The following SEC24A variants were observed in gnomAD, a reference collection of about 807,000 sequenced individuals.
The protein encoded by SEC24A is protein transport protein Sec24A.
A neutral mutation model predicts 129.4 loss-of-function variants in SEC24A; 93 were observed. That is an observed-to-expected ratio of 0.72 (90% CI 0.61 to 0.85). The LOEUF (loss-of-function observed/expected upper bound fraction) is 0.85. SEC24A is among the 40% of genes least tolerant of loss of function. The pLI, the probability that SEC24A is intolerant of heterozygous loss-of-function variation, is 0.00. For missense variants in SEC24A, 1,264 were observed against 1,307.4 expected (o/e 0.97, Z 0.51); for synonymous variants, 460 against 467.3 (o/e 0.98, Z 0.20).
At position 134,721,078 on chromosome 5, in the gene SEC24A, T is replaced by A. The variant is rs571521973; in HGVS notation, c.3051T>A (p.Ile1017=). The A allele has an allele frequency of 1.2e-6, 2 of 1,603,130 alleles. No individual in the cohort carries two copies. The highest frequency in any genetic ancestry group is 3.3e-5 in the Admixed American group (2 of 59,926). Residue 1017 remains isoleucine (I), a synonymous_variant, in exon 21 of 23, where the codon ATT becomes ATA. Transcript: ENST00000398844. The part of the protein sequence containing the change: ...QVLGVQNYAS[I]PQPMTDLPEL... ...TAGGAGTTCAAAACTATGCATCAATTCCACAGCCTATGGTAAGACTCTTTT... is the reference window on the plus strand; with the variant it reads ...TAGGAGTTCAAAACTATGCATCAATACCACAGCCTATGGTAAGACTCTTTT...
At position 134,675,203 on chromosome 5, in the gene SEC24A, C is replaced by G; in HGVS notation, c.1137C>G (p.Leu379=). The G allele has an allele frequency of 6.2e-7, 1 of 1,611,270 alleles. No individual in the cohort carries two copies. The highest frequency in any genetic ancestry group is 1.3e-5 in the African/African-American group (1 of 75,010). The part of the protein sequence containing the change: ...VPNLHEDIQK[L]NCNPELFRCT... ...ATTTGCATGAAGACATCCAGAAACT[C>G]AACTGTAACCCAGAGTAAGGCTTCA... Residue 379 remains leucine (L), a synonymous_variant, in exon 6 of 23, where the codon CTC becomes CTG. Transcript: ENST00000398844.
intron 4 of SEC24A, among the ~76,000 whole-genome samples, 167 bp downstream of exon 4, chr5:134,672,053 T>C (rs116460191): frequency 0.022 from 3,412 of 152,332 alleles, 67 homozygotes; most frequent in Non-Finnish European, 0.035. Context: ...GGTCTCACTC[T>C]GTCGCTCAGG....
At chr5:134,653,586 C>G (rs966163569) in intron 1 of SEC24A, among the ~76,000 whole-genome samples, 1 of 152,098 alleles carries the variant, frequency 6.6e-6, no homozygotes, top group African/African-American at 2.4e-5. Flanking sequence ...AAGACCTCAC[C>G]AGGTGTGGTG....
chr5:134,651,892 T>C (rs937108380), intron 1 of SEC24A, among the ~76,000 whole-genome samples: 7 of 152,048 alleles, frequency 4.6e-5, no homozygotes, highest in Non-Finnish European at 1.0e-4. Context: ...TGCTTAACTA[T>C]TCCAAAGCAG....
intron 3 of SEC24A, among the ~76,000 whole-genome samples, chr5:134,667,834 A>G (rs1460309781): frequency 6.6e-6 from 1 of 152,174 alleles, no homozygotes; most frequent in Non-Finnish European, 1.5e-5. Flanking sequence ...ATGCAATTTT[A>G]TGTAAGTAAA....
chr5:134,709,223 A>T (rs1752252732), intron 18 of SEC24A, among the ~76,000 whole-genome samples: 1 of 150,044 alleles, frequency 6.7e-6, no homozygotes, highest in Admixed American at 6.6e-5. Flanking sequence ...AATAAACAAA[A>T]AGAAAGAAAC....
chr5:134,654,626 C>A (rs1199949156), intron 1 of SEC24A, among the ~76,000 whole-genome samples: 1 of 150,298 alleles, frequency 6.7e-6, no homozygotes, highest in South Asian at 2.1e-4. Flanking sequence ...CATGTATTAA[C>A]GCTAAAGGCA....
chr5:134,722,421 C>T (rs183858927), intron 21 of SEC24A, among the ~76,000 whole-genome samples: 4 of 152,020 alleles, frequency 2.6e-5, no homozygotes, highest in East Asian at 1.9e-4. Context: ...CAAAATTAGC[C>T]GGGTGTGGTG....
chr5:134,721,204 T>G, intron 21 of SEC24A, 114 bp downstream of exon 21: 1 of 634,266 alleles, frequency 1.6e-6, no homozygotes. Flanking sequence ...AAAATTTTTA[T>G]TGATGGGTTT....
chr5:134,704,192 C>T (rs749758237), intron 16 of SEC24A, among the ~76,000 whole-genome samples: 1 of 152,164 alleles, frequency 6.6e-6, no homozygotes, highest in South Asian at 2.1e-4. Context: ...GCCTCAGCCA[C>T]CCGAGTAATT....
At chr5:134,707,847 G>A (rs747742331) in intron 17 of SEC24A, among the ~76,000 whole-genome samples, 2 of 151,930 alleles carry the variant, frequency 1.3e-5, no homozygotes, top group African/African-American at 2.4e-5. Context: ...TTGAAAGAAT[G>A]TTTTTATGCA....
chr5:134,678,497 G>C (rs930802840), intron 7 of SEC24A, among the ~76,000 whole-genome samples: 17 of 150,868 alleles, frequency 1.1e-4, no homozygotes, highest in African/African-American at 3.9e-4. Context: ...CTGTTGCTGT[G>C]TTGCTCAGGT....
chr5:134,674,705 C>T lies in SEC24A; in HGVS notation c.908C>T (p.Thr303Ile). The part of the protein sequence containing the change: ...PSLPPGYQNT[T>I]PPGATGVPPS... ...TTACCACCTGGTTATCAGAACACAACACCACCTGGTGCAACTGGAGTACCA... is the reference window on the plus strand; with the variant it reads ...TTACCACCTGGTTATCAGAACACAATACCACCTGGTGCAACTGGAGTACCA... Residue 303 changes from threonine (T) to isoleucine (I), a missense_variant, in exon 5 of 23, where the codon ACA becomes ATA. Coordinates refer to ENST00000398844, the MANE Select transcript of SEC24A (RefSeq NM_021982.3). 1 of 1,614,020 alleles carries T rather than the reference C, an allele frequency of 6.2e-7. No homozygotes were observed. The highest frequency in any genetic ancestry group is 8.5e-7 in the Non-Finnish European group (1 of 1,179,896).
Position 134,718,116 on chromosome 5 carries a change from T to TC in SEC24A, c.2914dup (p.Gln972ProfsTer57). 6.2e-7 allele frequency: 1 copy of TC among 1,614,128 alleles called. No individual in the cohort carries two copies. Among genetic ancestry groups the TC allele is most frequent in the Non-Finnish European group, 8.5e-7 (1 of 1,180,002 alleles). ...GAACCATACCTCAGCCCCCCATTCTTCAGCTTTCAGTGGAGAAGCTGAGCA... is the reference window on the plus strand; with the variant it reads ...GAACCATACCTCAGCCCCCCATTCTTCCAGCTTTCAGTGGAGAAGCTGAGCA... On this transcript the variant is annotated frameshift_variant, in exon 20 of 23. Transcript: ENST00000398844. LOFTEE classifies it high-confidence loss of function.
rs538533846 is a variant in SEC24A, at chr5:134,727,583, A to G, written c.*2489A>G. On this transcript the variant is annotated 3_prime_UTR_variant, in exon 23 of 23. Transcript: ENST00000398844. ...CATAACAGCTATTATCTAGGGGACC[A>G]CCAAATGTGATTTCAAAATTTTGTT... The G allele has an allele frequency of 1.3e-5, 2 of 152,754 alleles. No individual in the cohort carries two copies. The highest frequency in any genetic ancestry group is 1.3e-4 in the Admixed American group (2 of 15,286). The allele number at this position is 152,754 out of a possible 1,614,324, so 9.5% of individuals were successfully genotyped here.
chr5:134,720,376 G>A (rs796362399), intron 20 of SEC24A, among the ~76,000 whole-genome samples: 15 of 152,278 alleles, frequency 9.9e-5, no homozygotes, highest in African/African-American at 3.6e-4. Flanking sequence ...TAAGGCTTGT[G>A]TAAATCCACT....
intron 15 of SEC24A, among the ~76,000 whole-genome samples, chr5:134,700,377 G>A (rs747466196): frequency 5.3e-5 from 8 of 151,696 alleles, no homozygotes; most frequent in Non-Finnish European, 1.0e-4. Flanking sequence ...ATGCCACCAC[G>A]CCTAGCTAAT....
chr5:134,674,527 C>A (rs1750983378), intron 4 of SEC24A, 88 bp from the exon 5 acceptor site: 3 of 1,250,716 alleles, frequency 2.4e-6, no homozygotes, highest in Non-Finnish European at 3.3e-6. Context: ...ATAGTGAGAC[C>A]CTTTCTCCAA....
chr5:134,658,173 A>G (rs1272028640), intron 1 of SEC24A, among the ~76,000 whole-genome samples: 3 of 152,168 alleles, frequency 2.0e-5, no homozygotes, highest in Non-Finnish European at 2.9e-5. Context: ...AGGCTGAATG[A>G]GGCAGGAGAA....
Sources: allele counts gnomAD v4.1 joint callset (sites outside exome capture counted in the v4.1 genomes callset), GRCh38; gene constraint gnomAD v4.1.1; transcripts MANE v1.5; gene names NCBI Gene and HGNC (gene_info 2026-07-23, HGNC 2026-07-21).